Variants in GPR137C observed in about 807,000 individuals in gnomAD.
GPR137C encodes G protein-coupled receptor 137C.
GPR137C carries 27 observed loss-of-function variants against 43.4 expected under a neutral mutation model. That is an observed-to-expected ratio of 0.62 (90% CI 0.46 to 0.86). The LOEUF (loss-of-function observed/expected upper bound fraction) is 0.86. GPR137C is among the 40% of genes least tolerant of loss of function. The pLI is 0.00. For synonymous variants in GPR137C, 285 were observed against 226.9 expected, an observed-to-expected ratio of 1.26 and a Z score of -2.30; for missense variants, 522 against 534.6, an observed-to-expected ratio of 0.98 and a Z score of 0.23.
rs140528508 is a variant in GPR137C at position 52,586,932 on chromosome 14, G to A, written c.445-11340G>A. Among the ~76,000 whole-genome samples, 542 of 152,200 alleles carry A rather than the reference G, an allele frequency of 3.6e-3. 3 individuals carry two copies. The highest frequency in any genetic ancestry group is 0.012 in the African/African-American group (511 of 41,520). On this transcript the variant is annotated intron_variant, in intron 1 of 6. Coordinates refer to ENST00000321662, the MANE Select transcript of GPR137C (RefSeq NM_001099652.2). ...TTTAACTGGAATTCTTTGCCCCACC[G>A]TAATGCATTTTCTACACTGTCACTT...
intron 1 of GPR137C, among the ~76,000 whole-genome samples, chr14:52,555,184 C>T (rs1428917473): frequency 6.6e-6 from 1 of 152,056 alleles, no homozygotes; most frequent in Non-Finnish European, 1.5e-5. Flanking sequence ...ATTTTTATGC[C>T]AGGGGCATCA....
At chr14:52,628,622 T>A (rs998391786) in intron 3 of GPR137C, among the ~76,000 whole-genome samples, 3 of 151,834 alleles carry the variant, frequency 2.0e-5, no homozygotes, top group Admixed American at 2.0e-4. Flanking sequence ...ATGGTAAAAC[T>A]CCGTCTCTAC....
chr14:52,559,287 C>T (rs773038659), intron 1 of GPR137C, among the ~76,000 whole-genome samples: 3 of 152,132 alleles, frequency 2.0e-5, no homozygotes, highest in Non-Finnish European at 4.4e-5. Flanking sequence ...AGAGAGAAGG[C>T]AGGAGAATCA....
intron 1 of GPR137C, among the ~76,000 whole-genome samples, chr14:52,575,676 A>G (rs1168074536): frequency 6.6e-6 from 1 of 152,210 alleles, no homozygotes; most frequent in Non-Finnish European, 1.5e-5. Flanking sequence ...AAGCTATACC[A>G]TCTAAAGATC....
Position 52,553,486 on chromosome 14 carries a change from C to T in GPR137C, c.339C>T (p.Leu113=). 1 of 1,608,836 alleles carries T rather than the reference C, an allele frequency of 6.2e-7. No individual in the cohort carries two copies. The highest frequency in any genetic ancestry group is 8.5e-7 in the Non-Finnish European group (1 of 1,179,778). Residue 113 remains leucine, a synonymous_variant, in exon 1 of 7, where the codon CTC becomes CTT. Coordinates refer to ENST00000321662, the MANE Select transcript of GPR137C (RefSeq NM_001099652.2). ...AFSLSGSLPL[L]RPPAHLHFFP... is the part of the protein sequence containing the mutation. ...CGCTCAGCGGCTCCCTGCCCTTGCT[C>T]CGGCCGCCCGCTCACCTGCACTTCT...
At chr14:52,626,998 G>A (rs1048804114) in intron 3 of GPR137C, among the ~76,000 whole-genome samples, 4 of 152,136 alleles carry the variant, frequency 2.6e-5, no homozygotes, top group Non-Finnish European at 4.4e-5. Flanking sequence ...TACCATGTTC[G>A]TGGATTAGAA....
rs1438258244 is a variant in GPR137C, at chr14:52,635,970, C to G, written c.*855C>G. 2 of 152,006 alleles carry G rather than the reference C, an allele frequency of 1.3e-5. No individual in the cohort carries two copies. The highest frequency in any genetic ancestry group is 2.9e-5 in the Non-Finnish European group (2 of 67,986). 9.4% of individuals were successfully genotyped at this position (152,006 alleles called of 1,614,324 possible). On this transcript the variant is annotated 3_prime_UTR_variant, in exon 7 of 7. Coordinates refer to ENST00000321662, the MANE Select transcript of GPR137C (RefSeq NM_001099652.2). ...AGAATTATTCACAAAATGTGTAATT[C>G]TAAATTAAAACATAAATATATTTTC...
chr14:52,554,783 T>C (rs535651550), intron 1 of GPR137C, among the ~76,000 whole-genome samples: 1 of 152,178 alleles, frequency 6.6e-6, no homozygotes, highest in East Asian at 1.9e-4. Flanking sequence ...TCTCCTTTAA[T>C]AGGAAGTAGA....
intron 3 of GPR137C, among the ~76,000 whole-genome samples, chr14:52,611,270 A>T (rs1036212123): frequency 6.6e-6 from 1 of 151,928 alleles, no homozygotes; most frequent in African/African-American, 2.4e-5. Flanking sequence ...GTAGAGTGGA[A>T]TCTGGGAATT....
chr14:52,617,010 A>C (rs1276257960), intron 3 of GPR137C, among the ~76,000 whole-genome samples: 1 of 152,222 alleles, frequency 6.6e-6, no homozygotes. Flanking sequence ...TCTCCAGAAA[A>C]GATATTTTGC....
Position 52,552,925 on chromosome 14 carries a change from A to T in GPR137C, c.-223A>T, listed in dbSNP as rs368241213. ...TTTTGCAGCTACGGAGCCGAGCCGCAGCAGGAGGAGCCGAGACCCCCGGGG... is the reference window on the plus strand; with the variant it reads ...TTTTGCAGCTACGGAGCCGAGCCGCTGCAGGAGGAGCCGAGACCCCCGGGG... On this transcript the variant is annotated 5_prime_UTR_variant, in exon 1 of 7. Coordinates refer to ENST00000321662, the MANE Select transcript of GPR137C (RefSeq NM_001099652.2). Among the ~76,000 whole-genome samples the T allele has an allele frequency of 6.6e-6, 1 of 151,236 alleles. No homozygotes were observed. Among genetic ancestry groups the T allele is most frequent in the African/African-American group, 2.4e-5 (1 of 41,144 alleles).
intron 1 of GPR137C, among the ~76,000 whole-genome samples, chr14:52,555,982 T>G (rs530542228): frequency 1.3e-5 from 2 of 152,320 alleles, no homozygotes; most frequent in African/African-American, 4.8e-5. Flanking sequence ...ACTGCAAGTA[T>G]ACTTCCCATT....
At chr14:52,629,099 G>T (rs933763297) in intron 3 of GPR137C, among the ~76,000 whole-genome samples, 17 of 152,182 alleles carry the variant, frequency 1.1e-4, no homozygotes, top group African/African-American at 4.1e-4. Flanking sequence ...TGGCTAAAAA[G>T]ATTGACAGTC....
rs1294312862 is a variant in GPR137C, at chr14:52,597,193, T to A, written c.445-1079T>A. Among the ~76,000 whole-genome samples, 8 of 152,156 alleles carry A rather than the reference T, an allele frequency of 5.3e-5. No homozygotes were observed. The East Asian group carries it at 1.5e-3, about 29-fold the overall frequency. On this transcript the variant is annotated intron_variant, in intron 1 of 6. Transcript: ENST00000321662. ...AGTTTTTCCCCTTACCTCATACCCT[T>A]TCTTGGAGTGAATTAGTCTTTTCTC...
intron 1 of GPR137C, among the ~76,000 whole-genome samples, chr14:52,582,743 G>A (rs966877796): frequency 2.6e-5 from 4 of 152,106 alleles, no homozygotes; most frequent in African/African-American, 9.7e-5. Context: ...GCAGTGAGCT[G>A]AGATCATGGC....
chr14:52,592,806 A>G (rs992385935), intron 1 of GPR137C, among the ~76,000 whole-genome samples: 16 of 152,114 alleles, frequency 1.1e-4, no homozygotes, highest in African/African-American at 3.1e-4. Flanking sequence ...CTCTTTTCCA[A>G]TTGAATACCC....
intron 3 of GPR137C, among the ~76,000 whole-genome samples, chr14:52,629,566 C>G (rs1320073739): frequency 6.6e-6 from 1 of 152,190 alleles, no homozygotes; most frequent in Non-Finnish European, 1.5e-5. Context: ...CAGAAACATT[C>G]TGCAGAGTGA....
chr14:52,553,696 G>A (rs541963216), intron 1 of GPR137C, 105 bp downstream of exon 1: 1 of 921,048 alleles, frequency 1.1e-6, no homozygotes, highest in Admixed American at 2.9e-5. Context: ...AGCGAGAGGC[G>A]GACTGGAAAC....
At chr14:52,628,994 C>G (rs2039263390) in intron 3 of GPR137C, among the ~76,000 whole-genome samples, 1 of 152,132 alleles carries the variant, frequency 6.6e-6, no homozygotes, top group Non-Finnish European at 1.5e-5. Flanking sequence ...ATAGATTCTT[C>G]ACAAAGAAGA....
Sources: allele counts gnomAD v4.1 joint callset (sites outside exome capture counted in the v4.1 genomes callset), GRCh38; gene constraint gnomAD v4.1.1; transcripts MANE v1.5; gene names NCBI Gene and HGNC (gene_info 2026-07-23, HGNC 2026-07-21).